Variants in CCDC38 observed in about 807,000 individuals in gnomAD.
The protein encoded by CCDC38 is coiled-coil domain containing 38, also known as coiled-coil domain-containing protein 38.
Under a neutral mutation model 72.8 loss-of-function variants are expected in CCDC38, and 69 were observed. That is an observed-to-expected ratio of 0.95 (90% confidence interval 0.78 to 1.16). The LOEUF is 1.16. Ranked by LOEUF, CCDC38 falls within the 50% of genes most tolerant of loss-of-function variation. The probability of loss-of-function intolerance (pLI) is 0.00; values close to 1 mark genes in which losing one functional copy is unlikely to be tolerated. For missense variants in CCDC38, 626 were observed against 638.9 expected (o/e 0.98, Z 0.22); for synonymous variants, 201 against 213.2 (o/e 0.94, Z 0.50).
In CCDC38 at chr12:95,872,354, A is replaced by G. The variant is rs765617368; in HGVS notation, c.1385T>C (p.Val462Ala). The change falls in exon 14 of 16, where the codon GTA becomes GCA. Residue 462 changes from valine (V) to alanine (A), a missense_variant. By Grantham distance (64) the Val-to-Ala change is moderately conservative. Transcript: ENST00000344280. ...GLNPIQKLVK[V>A]ESRLVELCDL... ...ACACAGTTCTACCAGGCGAGATTCT[A>G]CTTTTACCAGCTTTTGAATTGGGTT... 13 of 1,614,092 alleles carry G rather than the reference A, an allele frequency of 8.1e-6. No individual in the cohort carries two copies. In the East Asian group the frequency reaches 1.8e-4, roughly 22 times the overall value.
Position 95,869,545 on chromosome 12 carries a change from G to C in CCDC38, c.1513C>G (p.Gln505Glu). Residue 505 changes from glutamine to glutamate, a missense_variant, in exon 15 of 16, where the codon CAA becomes GAA. By Grantham distance (29) the Gln-to-Glu change is conservative. Coordinates refer to ENST00000344280, the MANE Select transcript of CCDC38 (RefSeq NM_182496.3). ...KFRDEKMKEKQRHQQERLKAA... is the reference protein window; with the variant it reads ...KFRDEKMKEKERHQQERLKAA... Reference sequence around the variant, plus strand: ...TTTAGCCTTTCCTGTTGGTGTCTTTGTTTTTCTTTCATTTTCTCATCACGA... The same window carrying C: ...TTTAGCCTTTCCTGTTGGTGTCTTTCTTTTTCTTTCATTTTCTCATCACGA... 1 of 1,613,092 alleles carries C rather than the reference G, an allele frequency of 6.2e-7. No homozygotes were observed. Among genetic ancestry groups the C allele is most frequent in the Non-Finnish European group, 8.5e-7 (1 of 1,179,742 alleles).
At chr12:95,911,278 A>T (rs374367143) in intron 4 of CCDC38, among the ~76,000 whole-genome samples, 1 of 152,212 alleles carries the variant, frequency 6.6e-6, no homozygotes, top group Non-Finnish European at 1.5e-5. Flanking sequence ...CTCCATCTAT[A>T]AAAAGAAATC....
intron 4 of CCDC38, among the ~76,000 whole-genome samples, chr12:95,909,414 T>C (rs1179434391): frequency 6.6e-6 from 1 of 152,080 alleles, no homozygotes; most frequent in Non-Finnish European, 1.5e-5. Flanking sequence ...ATAAAAAACC[T>C]ACCAAACCAA....
intron 2 of CCDC38, chr12:95,934,748 C>T (rs2080374411): frequency 1.3e-5 from 2 of 150,588 alleles, no homozygotes; most frequent in Admixed American, 1.3e-4. Context: ...GTGGCTCACA[C>T]CTGTAGTCCC....
At chr12:95,923,181 G>A (rs2080227559) in intron 2 of CCDC38, among the ~76,000 whole-genome samples, 1 of 152,068 alleles carries the variant, frequency 6.6e-6, no homozygotes, top group South Asian at 2.1e-4. Flanking sequence ...TTCTGAGTCT[G>A]ACTGAATTAC....
At position 95,886,612 on chromosome 12, in the gene CCDC38, A is replaced by G. The variant is rs545106412; in HGVS notation, c.920+1846T>C. On this transcript the variant is annotated intron_variant, in intron 10 of 15. Coordinates refer to ENST00000344280, the MANE Select transcript of CCDC38 (RefSeq NM_182496.3). ...ATATATACAGAATTTTCAAAATGCA[A>G]CAGTTTTAATAAAAGGCAATTCAGT... 5.3e-5 allele frequency among the ~76,000 whole-genome samples: 8 copies of G among 152,342 alleles called. No individual in the cohort carries two copies. In the South Asian group the frequency reaches 1.7e-3, roughly 32 times the overall value.
At chr12:95,892,498 G>A (rs2079839519) in intron 8 of CCDC38, among the ~76,000 whole-genome samples, 2 of 150,904 alleles carry the variant, frequency 1.3e-5, no homozygotes, top group Admixed American at 1.3e-4. Flanking sequence ...TGCCCAAGCT[G>A]GTCTCCTGGC....
intron 2 of CCDC38, among the ~76,000 whole-genome samples, chr12:95,927,187 C>T (rs1406487385): frequency 6.6e-6 from 1 of 152,172 alleles, no homozygotes; most frequent in East Asian, 1.9e-4. Flanking sequence ...AAGTCTCTTT[C>T]TAGGTCGCTC....
chr12:95,906,797 TC>T, intron 4 of CCDC38, among the ~76,000 whole-genome samples: 1 of 76,138 alleles, frequency 1.3e-5, no homozygotes, highest in East Asian at 4.3e-4. Context: ...AATCAAGATT[TC>T]TTTTTATTTA....
chr12:95,877,232 C>T (rs2079645504), intron 13 of CCDC38, among the ~76,000 whole-genome samples: 1 of 152,172 alleles, frequency 6.6e-6, no homozygotes, highest in Non-Finnish European at 1.5e-5. Context: ...GTCTTCAGGA[C>T]TCAGACCTTC....
chr12:95,905,450 C>T (rs1387228904), intron 5 of CCDC38, among the ~76,000 whole-genome samples: 1 of 152,194 alleles, frequency 6.6e-6, no homozygotes, highest in Non-Finnish European at 1.5e-5. Flanking sequence ...AGATCAAACT[C>T]ACACCCAGGA....
At chr12:95,914,183 G>A (rs1239612631) in intron 4 of CCDC38, among the ~76,000 whole-genome samples, 1 of 152,064 alleles carries the variant, frequency 6.6e-6, no homozygotes, top group East Asian at 1.9e-4. Context: ...AAATTAGCCA[G>A]GTATAGTGGC....
At chr12:95,889,654 T>G (rs1436124) in intron 9 of CCDC38, among the ~76,000 whole-genome samples, 118,661 of 152,034 alleles carry the variant, frequency 0.78, 46,821 homozygotes, top group African/African-American at 0.86. Context: ...ACATCCCAAG[T>G]TTGATAGCAG....
At chr12:95,938,048 T>C (rs988541008) in intron 1 of CCDC38, among the ~76,000 whole-genome samples, 2 of 152,166 alleles carry the variant, frequency 1.3e-5, no homozygotes, top group Non-Finnish European at 2.9e-5. Context: ...GTGGGAACTA[T>C]TATGTGCTAA....
At chr12:95,919,044 C>T in intron 2 of CCDC38, 68 bp from the exon 3 acceptor site, 1 of 962,950 alleles carries the variant, frequency 1.0e-6, no homozygotes, top group Non-Finnish European at 1.7e-6. Context: ...AATAGTAAGT[C>T]TCCCACCAGC....
intron 2 of CCDC38, among the ~76,000 whole-genome samples, chr12:95,926,989 G>T (rs2080278472): frequency 6.6e-6 from 1 of 152,132 alleles, no homozygotes; most frequent in African/African-American, 2.4e-5. Flanking sequence ...GAACAGGTAT[G>T]GTGTGGTACT....
At chr12:95,921,425 A>T (rs1309416644) in intron 2 of CCDC38, among the ~76,000 whole-genome samples, 1 of 151,952 alleles carries the variant, frequency 6.6e-6, no homozygotes, top group Non-Finnish European at 1.5e-5. Context: ...AGCTGGGAAG[A>T]CCTCGGGAAA....
intron 5 of CCDC38, among the ~76,000 whole-genome samples, chr12:95,902,159 T>G (rs2079957005): frequency 6.6e-6 from 1 of 152,168 alleles, no homozygotes; most frequent in Non-Finnish European, 1.5e-5. Flanking sequence ...AAAATAATAA[T>G]TAGAAAAGAT....
At chr12:95,927,058 CTG>C (rs1377846804) in intron 2 of CCDC38, among the ~76,000 whole-genome samples, 2 of 152,032 alleles carry the variant, frequency 1.3e-5, no homozygotes, top group East Asian at 3.9e-4. Flanking sequence ...TCTATTAGGT[CTG>C]CTTGGTGCAG....
Sources: gnomAD v4.1 joint callset for allele counts (sites outside exome capture counted in the v4.1 genomes callset) on GRCh38, gnomAD v4.1.1 for gene constraint, MANE v1.5 for transcripts, NCBI Gene and HGNC (gene_info 2026-07-23, HGNC 2026-07-21) for gene names.